The following PTPRD variants were observed in gnomAD, a reference collection of about 807,000 sequenced individuals.
The protein encoded by PTPRD is receptor-type tyrosine-protein phosphatase delta.
A neutral mutation model predicts 214.5 loss-of-function variants in PTPRD; 34 were observed. The ratio of observed to expected loss-of-function variants is 0.16; its 90% CI spans 0.12 to 0.21. The LOEUF (loss-of-function observed/expected upper bound fraction) is 0.21, where lower values mean the gene tolerates loss of function less well. Ranked by LOEUF, PTPRD falls within the 10% of genes least tolerant of loss-of-function variation. The pLI is 1.00. For synonymous variants in PTPRD, 1,128 were observed against 845.7 expected (o/e 1.33, Z -5.79); for missense variants, 2,545 against 2,398.7 (o/e 1.06, Z -1.27).
intron 11 of PTPRD, among the ~76,000 whole-genome samples, chr9:8,925,034 G>C (rs911068168): frequency 6.6e-6 from 1 of 152,076 alleles, no homozygotes. Context: ...TGAGAGCTCA[G>C]GCAATAAAAC....
intron 37 of PTPRD, among the ~76,000 whole-genome samples, chr9:8,382,687 C>T (rs1423641734): frequency 1.3e-5 from 2 of 152,200 alleles, no homozygotes; most frequent in Non-Finnish European, 2.9e-5. Flanking sequence ...AGATTGCCAA[C>T]ATGAGCATCA....
intron 9 of PTPRD, among the ~76,000 whole-genome samples, chr9:9,331,213 C>T (rs368867341): frequency 1.1e-4 from 17 of 152,160 alleles, no homozygotes; most frequent in African/African-American, 3.9e-4. Context: ...CTTAGTTTCC[C>T]CTCTTTTATA....
chr9:9,984,841 T>C lies in PTPRD; in HGVS notation c.-471-46231A>G, dbSNP rs545775887. Among the ~76,000 whole-genome samples, 92 of 152,098 alleles carry C rather than the reference T, an allele frequency of 6.0e-4. 1 individual carries two copies. Among genetic ancestry groups the C allele is most frequent in the African/African-American group, 2.1e-3 (88 of 41,498 alleles). ...AGGAGGACAGTGCATTCTGGGAGCA[T>C]GGCTGGGCAAGCATCATCAGTGTCC... On this transcript the variant is annotated intron_variant, in intron 4 of 45. Coordinates refer to ENST00000381196, the MANE Select transcript of PTPRD (RefSeq NM_002839.4).
intron 11 of PTPRD, among the ~76,000 whole-genome samples, chr9:8,993,961 G>C (rs1041486173): frequency 6.6e-6 from 1 of 152,090 alleles, no homozygotes; most frequent in South Asian, 2.1e-4. Flanking sequence ...ATTTAGAGGA[G>C]GGAGTCATCG....
At chr9:9,656,427 C>T (rs2096515830) in intron 7 of PTPRD, among the ~76,000 whole-genome samples, 2 of 151,938 alleles carry the variant, frequency 1.3e-5, no homozygotes, top group Admixed American at 6.6e-5. Flanking sequence ...TTATTCAGTG[C>T]TAAAAAGAAA....
chr9:8,376,657 C>A lies in PTPRD; in HGVS notation c.4456G>T (p.Asp1486Tyr). Residue 1486 changes from aspartate (D) to tyrosine (Y), a missense_variant, in exon 38 of 46, where the codon GAT becomes TAT. Transcript: ENST00000381196. Reference sequence around the variant, plus strand: ...CAATATGTGGCCAGCTCCACAGTATCAAGCAGCGTTACTTGAACGAGTCCG... The same window carrying A: ...CAATATGTGGCCAGCTCCACAGTATAAAGCAGCGTTACTTGAACGAGTCCG... ...THGLVQVTLL[D>Y]TVELATYCVR... 6 of 1,613,132 alleles carry A rather than the reference C, an allele frequency of 3.7e-6. No individual in the cohort carries two copies. The highest frequency in any genetic ancestry group is 5.1e-6 in the Non-Finnish European group (6 of 1,179,384).
intron 9 of PTPRD, among the ~76,000 whole-genome samples, chr9:9,381,063 C>G (rs541140822): frequency 1.2e-4 from 19 of 152,040 alleles, no homozygotes; most frequent in African/African-American, 4.1e-4. Context: ...TATTTTTAAT[C>G]GATAAATGAT....
chr9:10,092,087 T>A (rs947353527), intron 3 of PTPRD, among the ~76,000 whole-genome samples: 20 of 151,356 alleles, frequency 1.3e-4, no homozygotes, highest in African/African-American at 4.8e-4. Flanking sequence ...TATAATGTAT[T>A]TTCTGCCAGA....
At chr9:9,792,438 T>G (rs980142455) in intron 5 of PTPRD, among the ~76,000 whole-genome samples, 8 of 152,268 alleles carry the variant, frequency 5.3e-5, no homozygotes, top group African/African-American at 1.9e-4. Flanking sequence ...TAGCACTCTT[T>G]TTTTGTACAT....
At chr9:10,242,002 T>C (rs1196138664) in intron 3 of PTPRD, among the ~76,000 whole-genome samples, 1 of 151,912 alleles carries the variant, frequency 6.6e-6, no homozygotes, top group Non-Finnish European at 1.5e-5. Context: ...CAACACGCTG[T>C]TTTCATGTCA....
At chr9:10,129,061 G>C (rs1162574766) in intron 3 of PTPRD, among the ~76,000 whole-genome samples, 1 of 152,124 alleles carries the variant, frequency 6.6e-6, no homozygotes, top group Non-Finnish European at 1.5e-5. Flanking sequence ...CAAGGGTAGA[G>C]AAGACATTTT....
chr9:10,279,436 T>A lies in PTPRD; in HGVS notation c.-545+61527A>T, dbSNP rs867559128. On this transcript the variant is annotated intron_variant, in intron 3 of 45. Coordinates refer to ENST00000381196, the MANE Select transcript of PTPRD (RefSeq NM_002839.4). Reference sequence around the variant, plus strand: ...CTTGGTCAACTGTAATAGTCATTCATCCCTGAATGATTTCTTGGTCTTTCT... The same window carrying A: ...CTTGGTCAACTGTAATAGTCATTCAACCCTGAATGATTTCTTGGTCTTTCT... Among the ~76,000 whole-genome samples, 6 of 152,298 alleles carry A rather than the reference T, an allele frequency of 3.9e-5. 1 individual carries two copies. In the Middle Eastern group the frequency reaches 0.01, roughly 259 times the overall value.
intron 3 of PTPRD, among the ~76,000 whole-genome samples, chr9:10,141,081 G>A (rs1245576173): frequency 6.6e-6 from 1 of 152,032 alleles, no homozygotes; most frequent in African/African-American, 2.4e-5. Context: ...AATAAATTAG[G>A]TATTGATGGG....
intron 43 of PTPRD, among the ~76,000 whole-genome samples, chr9:8,334,382 A>G (rs1371330546): frequency 6.6e-6 from 1 of 151,652 alleles, no homozygotes; most frequent in Non-Finnish European, 1.5e-5. Flanking sequence ...ATTAAAAAAA[A>G]AACCACTCAA....
At chr9:8,738,644 A>T (rs533176670) in intron 11 of PTPRD, among the ~76,000 whole-genome samples, 11 of 152,168 alleles carry the variant, frequency 7.2e-5, no homozygotes, top group Admixed American at 3.3e-4. Flanking sequence ...GCAAAGAACT[A>T]CAACAAATCA....
chr9:9,322,481 C>A (rs1477728957), intron 9 of PTPRD, among the ~76,000 whole-genome samples: 1 of 152,124 alleles, frequency 6.6e-6, no homozygotes, highest in Non-Finnish European at 1.5e-5. Flanking sequence ...TCAGTGTACA[C>A]CTTAAATATG....
intron 3 of PTPRD, among the ~76,000 whole-genome samples, chr9:10,067,402 A>G (rs1009333750): frequency 5.9e-5 from 9 of 151,888 alleles, no homozygotes; most frequent in Admixed American, 5.3e-4. Flanking sequence ...TCAGTTTTCA[A>G]AGATATTGTT....
Position 8,931,009 on chromosome 9 carries a change from G to T in PTPRD, c.-104+87688C>A, listed in dbSNP as rs202065787. On this transcript the variant is annotated intron_variant, in intron 11 of 45. Transcript: ENST00000381196. ...TTTTGGCTTTTGTTGCCATTGCTTTGGGTGTTTTAGACATGAAGTCCTTGC... is the reference window on the plus strand; with the variant it reads ...TTTTGGCTTTTGTTGCCATTGCTTTTGGTGTTTTAGACATGAAGTCCTTGC... 4.8e-4 allele frequency among the ~76,000 whole-genome samples: 73 copies of T among 152,116 alleles called. 1 individual carries two copies. In the South Asian group the frequency reaches 0.013, roughly 28 times the overall value.
chr9:8,649,373 C>A (rs1336925867), intron 12 of PTPRD, among the ~76,000 whole-genome samples: 2 of 152,194 alleles, frequency 1.3e-5, no homozygotes, highest in African/African-American at 4.8e-5. Context: ...TAGACCATTT[C>A]TTTTAAGATA....
Sources: allele counts gnomAD v4.1 joint callset (sites outside exome capture counted in the v4.1 genomes callset), GRCh38; gene constraint gnomAD v4.1.1; transcripts MANE v1.5; gene names NCBI Gene and HGNC (gene_info 2026-07-23, HGNC 2026-07-21).